Variants in TMEM26 observed in about 807,000 individuals in gnomAD.
The protein encoded by TMEM26 is transmembrane protein 26.
In TMEM26, 38 loss-of-function variants were observed where a neutral mutation model predicts 28.8. The observed-to-expected ratio is 1.32, with a 90% CI of 1.02 to 1.73. The LOEUF (loss-of-function observed/expected upper bound fraction) is 1.73. Among genes scored for constraint, TMEM26 ranks in the 40% most tolerant of loss-of-function variants. The probability of loss-of-function intolerance (pLI) is 0.00; values close to 1 mark genes in which losing one functional copy is unlikely to be tolerated. For missense variants in TMEM26, 518 were observed against 447.1 expected (o/e 1.16, Z -1.43); for synonymous variants, 227 against 182.9 (o/e 1.24, Z -1.95).
At chr10:61,412,739 T>C (rs1344317831) in intron 5 of TMEM26, among the ~76,000 whole-genome samples, 1 of 152,160 alleles carries the variant, frequency 6.6e-6, no homozygotes, top group African/African-American at 2.4e-5. Context: ...AGGTGGCTAG[T>C]ATGACTGAGG....
Position 61,452,923 on chromosome 10 carries a change from G to A in TMEM26, c.159C>T (p.Thr53=), listed in dbSNP as rs747968980. 1 of 1,613,964 alleles carries A rather than the reference G, an allele frequency of 6.2e-7. No homozygotes were observed. Among genetic ancestry groups the A allele is most frequent in the Non-Finnish European group, 8.5e-7 (1 of 1,179,924 alleles). The change falls in exon 1 of 6, where the codon ACC becomes ACT. Residue 53 remains threonine, a synonymous_variant. Transcript: ENST00000399298. The stretch of plus-strand genomic sequence containing the variant: ...AGCCTCTGCCGCGCTTGAACTTGAG[G>A]GTGAGCGCAGTCTCCAGGAAGAGCA... The part of the protein sequence containing the change: ...NLLLFLETAL[T]LKFKRGRGYK...
rs1374363025 is a variant in TMEM26, at chr10:61,453,065, A to G, written c.17T>C (p.Phe6Ser). Reference protein sequence around the residue: MEGLVFLNALATRLLF... With the variant: MEGLVSLNALATRLLF... ...CAACCGAGTGGCCAGGGCGTTAAGG[A>G]AGACCAGTCCCTCCATGCTGGCCGG... The change falls in exon 1 of 6, where the codon TTC becomes TCC. Residue 6 changes from phenylalanine to serine, a missense_variant. Coordinates refer to ENST00000399298, the MANE Select transcript of TMEM26 (RefSeq NM_178505.8). 6.2e-7 allele frequency: 1 copy of G among 1,613,228 alleles called. No individual in the cohort carries two copies. The highest frequency in any genetic ancestry group is 8.5e-7 in the Non-Finnish European group (1 of 1,179,876).
chr10:61,412,935 C>T (rs1165801759), intron 5 of TMEM26: 2 of 1,301,014 alleles, frequency 1.5e-6, no homozygotes, highest in East Asian at 5.6e-5. Context: ...AGTAGGATTC[C>T]AAGGACCTCC....
chr10:61,430,674 G>T (rs936112044), intron 3 of TMEM26, among the ~76,000 whole-genome samples: 1 of 151,198 alleles, frequency 6.6e-6, no homozygotes, highest in Non-Finnish European at 1.5e-5. Context: ...TACTAGCAAA[G>T]AATAAGTGAA....
intron 4 of TMEM26, among the ~76,000 whole-genome samples, 167 bp downstream of exon 4, chr10:61,428,759 T>C (rs1298911416): frequency 6.6e-6 from 1 of 152,146 alleles, no homozygotes; most frequent in East Asian, 1.9e-4. Context: ...ACATAAAGAC[T>C]GTGCTCGTTT....
intron 1 of TMEM26, among the ~76,000 whole-genome samples, chr10:61,446,376 T>C (rs1032444335): frequency 6.6e-6 from 1 of 152,108 alleles, no homozygotes; most frequent in African/African-American, 2.4e-5. Flanking sequence ...CCCACAAGCA[T>C]ACAGGAAGAT....
chr10:61,419,145 A>G (rs1839701707), intron 4 of TMEM26, among the ~76,000 whole-genome samples: 1 of 152,122 alleles, frequency 6.6e-6, no homozygotes, highest in Non-Finnish European at 1.5e-5. Context: ...AAGAAAACAG[A>G]TGCAACAAAA....
intron 5 of TMEM26, among the ~76,000 whole-genome samples, chr10:61,411,371 T>A (rs1329661967): frequency 6.6e-6 from 1 of 152,178 alleles, no homozygotes; most frequent in Non-Finnish European, 1.5e-5. Context: ...CCCCTTAGGA[T>A]CACGAATGAT....
intron 4 of TMEM26, among the ~76,000 whole-genome samples, chr10:61,427,236 T>C (rs946803461): frequency 6.6e-6 from 1 of 152,054 alleles, no homozygotes; most frequent in African/African-American, 2.4e-5. Context: ...TTCAGATTAA[T>C]TGGTAGGTGA....
In TMEM26 at chr10:61,409,557, T is replaced by C. The variant is rs1839537683; in HGVS notation, c.*765A>G. 1 of 152,204 alleles carries C rather than the reference T, an allele frequency of 6.6e-6. No individual in the cohort carries two copies. The highest frequency in any genetic ancestry group is 2.4e-5 in the African/African-American group (1 of 41,452). The allele number at this position is 152,204 out of a possible 1,614,324, so 9.4% of individuals were successfully genotyped here. The stretch of plus-strand genomic sequence containing the variant: ...AAAGCAGGGTTCAGAAAAATACTGA[T>C]GAACACTGCAAATCATGTTCAGAGT... On this transcript the variant is annotated 3_prime_UTR_variant, in exon 6 of 6. Transcript: ENST00000399298.
chr10:61,447,923 T>A (rs888947822), intron 1 of TMEM26, among the ~76,000 whole-genome samples: 4 of 152,242 alleles, frequency 2.6e-5, no homozygotes, highest in Non-Finnish European at 5.9e-5. Context: ...TGTTTTCTGT[T>A]ACCTATTAAT....
At chr10:61,443,055 C>T (rs1840120545) in intron 1 of TMEM26, among the ~76,000 whole-genome samples, 1 of 152,144 alleles carries the variant, frequency 6.6e-6, no homozygotes, top group Non-Finnish European at 1.5e-5. Flanking sequence ...AAGCCCTTTG[C>T]ATGTGCCTGT....
intron 4 of TMEM26, among the ~76,000 whole-genome samples, chr10:61,415,716 G>A (rs960493915): frequency 1.3e-5 from 2 of 151,918 alleles, no homozygotes; most frequent in Non-Finnish European, 2.9e-5. Context: ...GAAACTTTTA[G>A]GTCTGCTCTA....
chr10:61,410,415 A>G lies in TMEM26; in HGVS notation c.1014T>C (p.Ser338=). The G allele has an allele frequency of 6.2e-7, 1 of 1,614,110 alleles. No individual in the cohort carries two copies. Among genetic ancestry groups the G allele is most frequent in the Non-Finnish European group, 8.5e-7 (1 of 1,180,026 alleles). The part of the protein sequence containing the change: ...CRAQTSESGP[S]QRDWQNESKE... ...TAGACTCGTTCTGCCAGTCCCGCTG[A>G]GAGGGCCCACTCTCAGAGGTCTGTG... is the stretch of plus-strand genomic sequence containing the variant. Residue 338 remains serine, a synonymous_variant, in exon 6 of 6, where the codon TCT becomes TCC. Coordinates refer to ENST00000399298, the MANE Select transcript of TMEM26 (RefSeq NM_178505.8).
At chr10:61,427,664 C>T (rs1007111756) in intron 4 of TMEM26, among the ~76,000 whole-genome samples, 1 of 152,084 alleles carries the variant, frequency 6.6e-6, no homozygotes, top group African/African-American at 2.4e-5. Flanking sequence ...CCCCACAAAA[C>T]ATATCCCTCC....
intron 1 of TMEM26, 135 bp from the exon 2 acceptor site, chr10:61,436,383 A>C (rs1469506332): frequency 1.9e-6 from 1 of 527,094 alleles, no homozygotes; most frequent in African/African-American, 1.9e-5. Flanking sequence ...ATAACTTCAA[A>C]GTGTTTATTT....
chr10:61,415,564 A>G (rs998669747), intron 4 of TMEM26, among the ~76,000 whole-genome samples: 3 of 152,124 alleles, frequency 2.0e-5, no homozygotes, highest in Non-Finnish European at 4.4e-5. Context: ...TCTCTATTTT[A>G]TCAAGGAGGT....
intron 1 of TMEM26, among the ~76,000 whole-genome samples, chr10:61,442,331 A>C (rs1271345422): frequency 6.6e-6 from 1 of 152,124 alleles, no homozygotes; most frequent in Non-Finnish European, 1.5e-5. Flanking sequence ...ACAATTATTA[A>C]TGTTTTCTTA....
chr10:61,424,824 A>G (rs979336385), intron 4 of TMEM26, among the ~76,000 whole-genome samples: 1 of 152,090 alleles, frequency 6.6e-6, no homozygotes, highest in Non-Finnish European at 1.5e-5. Flanking sequence ...ATAAAGAAAG[A>G]CTCCTTTCAA....
Sources: allele counts gnomAD v4.1 joint callset (sites outside exome capture counted in the v4.1 genomes callset), GRCh38; gene constraint gnomAD v4.1.1; transcripts MANE v1.5; gene names NCBI Gene and HGNC (gene_info 2026-07-23, HGNC 2026-07-21).